CCDC63: variants seen among roughly 807,000 people sequenced by gnomAD.
CCDC63 encodes the protein coiled-coil domain-containing protein 63.
In CCDC63, 54 loss-of-function variants were observed where a neutral mutation model predicts 63.6. The observed-to-expected ratio is 0.85, with a 90% CI of 0.68 to 1.07. CCDC63 has a LOEUF of 1.07. CCDC63 is among the 50% of genes least tolerant of loss of function. CCDC63 has a pLI of 0.00. For synonymous variants in CCDC63, 253 were observed against 266.1 expected, an observed-to-expected ratio of 0.95 and a Z score of 0.48; for missense variants, 637 against 689.6, an observed-to-expected ratio of 0.92 and a Z score of 0.86.
chr12:110,866,080 C>G (rs935470807), intron 4 of CCDC63, among the ~76,000 whole-genome samples: 6 of 152,118 alleles, frequency 3.9e-5, no homozygotes, highest in African/African-American at 1.4e-4. Flanking sequence ...CAGGTTCAAG[C>G]AATTCTCATG....
chr12:110,867,523 G>A (rs1403487999), intron 4 of CCDC63, among the ~76,000 whole-genome samples: 16 of 98,522 alleles, frequency 1.6e-4, no homozygotes, highest in East Asian at 9.3e-4. Context: ...GGCCGGGCGG[G>A]GGGCTGACCC....
chr12:110,904,252 G>C (rs2071528383), intron 10 of CCDC63, among the ~76,000 whole-genome samples: 2 of 150,854 alleles, frequency 1.3e-5, no homozygotes, highest in African/African-American at 2.4e-5. Context: ...TGAAGCAGGA[G>C]AATCACTTGA....
intron 4 of CCDC63, among the ~76,000 whole-genome samples, chr12:110,866,923 A>T (rs1344207382): frequency 7.0e-6 from 1 of 142,394 alleles, no homozygotes; most frequent in African/African-American, 2.6e-5. Context: ...CACCTCCGGG[A>T]CGGGGCGGCT....
At chr12:110,873,608 C>G (rs144673793) in intron 4 of CCDC63, among the ~76,000 whole-genome samples, 5 of 152,232 alleles carry the variant, frequency 3.3e-5, no homozygotes, top group African/African-American at 1.2e-4. Flanking sequence ...TATTGTACCC[C>G]GAACTGGCTA....
chr12:110,891,555 G>C (rs1425279383), intron 8 of CCDC63, among the ~76,000 whole-genome samples: 2 of 149,128 alleles, frequency 1.3e-5, no homozygotes, highest in African/African-American at 5.0e-5. Context: ...GCTGAGATGG[G>C]AGGATCGCAG....
At chr12:110,851,227 G>C (rs2070700923) in intron 1 of CCDC63, among the ~76,000 whole-genome samples, 1 of 138,220 alleles carries the variant, frequency 7.2e-6, no homozygotes, top group South Asian at 2.5e-4. Context: ...TTACCCAGAG[G>C]TATGTTCAGG....
In CCDC63 at chr12:110,904,639, G is replaced by A. The variant is rs146312173; in HGVS notation, c.1394G>A (p.Arg465His). 540 of 1,614,070 alleles carry A rather than the reference G, an allele frequency of 3.3e-4. 3 individuals are homozygous for A. The South Asian group carries it at 4.2e-3, about 13-fold the overall frequency. ...NDLLLLETYR[R>H]ILEVEGAEAE... is the part of the protein sequence containing the mutation. ...CTGCTGCTGTTGGAGACCTACAGGC[G>A]CATCCTGGAAGTGGAAGGGGCAGAG... Residue 465 changes from arginine (R) to histidine (H), a missense_variant, in exon 11 of 12, where the codon CGC becomes CAC. By Grantham distance (29) the Arg-to-His change is conservative. Coordinates refer to ENST00000308208, the MANE Select transcript of CCDC63 (RefSeq NM_152591.3).
At chr12:110,873,232 T>C (rs1159880056) in intron 4 of CCDC63, among the ~76,000 whole-genome samples, 1 of 152,048 alleles carries the variant, frequency 6.6e-6, no homozygotes, top group African/African-American at 2.4e-5. Context: ...TGAGACCCTG[T>C]CTCAAAAAAC....
chr12:110,877,405 G>A (rs549568879), intron 5 of CCDC63, among the ~76,000 whole-genome samples: 1 of 151,968 alleles, frequency 6.6e-6, no homozygotes, highest in African/African-American at 2.4e-5. Flanking sequence ...GTAGAGACAG[G>A]GTTTCACCAT....
intron 4 of CCDC63, among the ~76,000 whole-genome samples, chr12:110,869,092 G>A (rs1029012912): frequency 3.3e-5 from 5 of 152,146 alleles, no homozygotes; most frequent in Non-Finnish European, 7.4e-5. Context: ...AAAACTCAGG[G>A]ATGCTAACAC....
chr12:110,899,961 T>G (rs916823951), intron 10 of CCDC63, among the ~76,000 whole-genome samples: 4 of 151,760 alleles, frequency 2.6e-5, no homozygotes, highest in Non-Finnish European at 4.4e-5. Flanking sequence ...CACCTGTAAT[T>G]CCAGCACTTT....
intron 8 of CCDC63, among the ~76,000 whole-genome samples, chr12:110,890,710 G>A (rs901331194): frequency 2.7e-5 from 4 of 146,836 alleles, no homozygotes; most frequent in Admixed American, 2.0e-4. Flanking sequence ...TTCTGTAAAC[G>A]TTTTGTTTCC....
intron 7 of CCDC63, among the ~76,000 whole-genome samples, chr12:110,883,039 T>TC (rs2071227578): frequency 1.3e-5 from 2 of 149,298 alleles, no homozygotes; most frequent in Non-Finnish European, 1.5e-5. Context: ...ATTTTAAATT[T>TC]TTTTTTTTTT....
Position 110,852,973 on chromosome 12 carries a change from GCCAGCT to G in CCDC63, c.9+13_9+18del. ...CTTCAAGATGTCTGTGGTAGGTGAT[GCCAGCT>G]CCCAGCCACAGAGCACCTACTATGG... On this transcript the variant is annotated intron_variant, in intron 2 of 11. Coordinates refer to ENST00000308208, the MANE Select transcript of CCDC63 (RefSeq NM_152591.3). 1 of 1,613,982 alleles carries G rather than the reference GCCAGCT, an allele frequency of 6.2e-7. No homozygotes were observed. The highest frequency in any genetic ancestry group is 8.5e-7 in the Non-Finnish European group (1 of 1,179,860).
chr12:110,905,917 A>ATATATTATAT (rs1566144415), intron 11 of CCDC63, among the ~76,000 whole-genome samples: 3 of 10,292 alleles, frequency 2.9e-4, no homozygotes, highest in Non-Finnish European at 5.4e-4. Context: ...ATATTATATT[A>ATATATTATAT]TATATAATAT....
At chr12:110,903,762 A>G (rs1308438195) in intron 10 of CCDC63, among the ~76,000 whole-genome samples, 1 of 152,172 alleles carries the variant, frequency 6.6e-6, no homozygotes. Context: ...CTGAGTTTTA[A>G]AACACCTCTA....
At position 110,871,356 on chromosome 12, in the gene CCDC63, T is replaced by G. The variant is rs183877404; in HGVS notation, c.370-2486T>G. ...CAGGGTTTCACCGTGTTAGCTAGGATGGTCTTGATCTCCTGACCTCATGAT... is the reference window on the plus strand; with the variant it reads ...CAGGGTTTCACCGTGTTAGCTAGGAGGGTCTTGATCTCCTGACCTCATGAT... On this transcript the variant is annotated intron_variant, in intron 4 of 11. Transcript: ENST00000308208. 3.8e-3 allele frequency among the ~76,000 whole-genome samples: 579 copies of G among 152,274 alleles called. 18 individuals carry two copies. Among genetic ancestry groups the G allele is most frequent in the Admixed American group, 0.032 (495 of 15,288 alleles).
At chr12:110,858,132 TAAAATAAAA>T (rs2070800465) in intron 3 of CCDC63, among the ~76,000 whole-genome samples, 2 of 147,558 alleles carry the variant, frequency 1.4e-5, no homozygotes, top group African/African-American at 5.0e-5. Context: ...TAAAATAAAA[TAAAATAAAA>T]TAAAATAAAA....
chr12:110,902,870 A>G lies in CCDC63; in HGVS notation c.1343-1718A>G, dbSNP rs1303060416. Among the ~76,000 whole-genome samples, 3 of 144,480 alleles carry G rather than the reference A, an allele frequency of 2.1e-5. No individual in the cohort carries two copies. The Admixed American group carries it at 2.1e-4, about 10-fold the overall frequency. 94.8% of individuals were successfully genotyped at this position (144,480 alleles called of 152,430 possible). On this transcript the variant is annotated intron_variant, in intron 10 of 11. Coordinates refer to ENST00000308208, the MANE Select transcript of CCDC63 (RefSeq NM_152591.3). ...GTAGCTGGGATTACAGGTGCCCGAC[A>G]CCACGCCCGGCTAATTTTTTTTTTT...
Sources: gnomAD v4.1 joint callset for allele counts (sites outside exome capture counted in the v4.1 genomes callset) on GRCh38, gnomAD v4.1.1 for gene constraint, MANE v1.5 for transcripts, NCBI Gene and HGNC (gene_info 2026-07-23, HGNC 2026-07-21) for gene names.